Variants in SLC26A8 observed in about 807,000 individuals in gnomAD.
SLC26A8 encodes testis anion transporter 1.
SLC26A8 carries 70 observed loss-of-function variants against 105.0 expected under a neutral mutation model. The ratio of observed to expected loss-of-function variants is 0.67; its 90% CI spans 0.55 to 0.81. SLC26A8 has a LOEUF of 0.81. Among genes scored for constraint, SLC26A8 ranks in the 40% least tolerant of loss-of-function variants. The probability of loss-of-function intolerance (pLI) is 0.00; values close to 1 mark genes in which losing one functional copy is unlikely to be tolerated. For missense variants in SLC26A8, 998 were observed against 1,181.8 expected (o/e 0.84, Z 2.28); for synonymous variants, 415 against 438.3 (o/e 0.95, Z 0.66).
Position 35,978,373 on chromosome 6 carries a change from T to C in SLC26A8, c.1026-1022A>G, listed in dbSNP as rs562546281. On this transcript the variant is annotated intron_variant, in intron 8 of 19. Transcript: ENST00000490799. ...ATTTGGGGAGAGTGGTGTTTTTCTA[T>C]AGATCCATACTGGCATAATTCTTTA... Among the ~76,000 whole-genome samples the C allele has an allele frequency of 4.6e-5, 7 of 152,218 alleles. No homozygotes were observed. In the South Asian group the frequency reaches 1.5e-3, roughly 32 times the overall value.
At chr6:36,010,202 G>A (rs1173674327) in intron 3 of SLC26A8, among the ~76,000 whole-genome samples, 1 of 152,194 alleles carries the variant, frequency 6.6e-6, no homozygotes, top group Non-Finnish European at 1.5e-5. Context: ...CTATCAACAA[G>A]TGAATGGATA....
intron 12 of SLC26A8, among the ~76,000 whole-genome samples, chr6:35,961,610 C>T (rs1266787781): frequency 6.6e-6 from 1 of 152,180 alleles, no homozygotes; most frequent in Admixed American, 6.5e-5. Context: ...CTCAATGTTT[C>T]CTCATTCTCT....
At chr6:36,009,196 CAA>C (rs1442226822) in intron 3 of SLC26A8, among the ~76,000 whole-genome samples, 3 of 152,078 alleles carry the variant, frequency 2.0e-5, no homozygotes, top group African/African-American at 7.2e-5. Context: ...TACTAAAAGA[CAA>C]AAGTTAGCTG....
At chr6:35,968,631 A>G (rs1346611673) in intron 11 of SLC26A8, among the ~76,000 whole-genome samples, 7,309 of 105,652 alleles carry the variant, frequency 0.069, 815 homozygotes, top group African/African-American at 0.26. Flanking sequence ...ATATATATAT[A>G]TATATATATA....
intron 10 of SLC26A8, among the ~76,000 whole-genome samples, chr6:35,975,125 A>T (rs1192314242): frequency 6.6e-6 from 1 of 152,062 alleles, no homozygotes; most frequent in Non-Finnish European, 1.5e-5. Flanking sequence ...GGGCTAATAT[A>T]CGGAAACCTC....
chr6:36,002,347 A>G (rs1411160569), intron 3 of SLC26A8, among the ~76,000 whole-genome samples: 1 of 152,110 alleles, frequency 6.6e-6, no homozygotes, highest in African/African-American at 2.4e-5. Context: ...ATTCTTGTAC[A>G]TGTCTCCTGG....
intron 5 of SLC26A8, among the ~76,000 whole-genome samples, chr6:35,994,184 G>C (rs537709965): frequency 7.2e-6 from 1 of 138,186 alleles, no homozygotes; most frequent in Non-Finnish European, 1.5e-5. Flanking sequence ...GCGTGATCTC[G>C]ACTCACTGCA....
chr6:35,958,031 AT>A (rs1772154054), intron 16 of SLC26A8, among the ~76,000 whole-genome samples: 1 of 152,048 alleles, frequency 6.6e-6, no homozygotes, highest in Non-Finnish European at 1.5e-5. Context: ...CCCCACGTTT[AT>A]TTCTACCTTG....
chr6:35,966,673 G>C (rs892500933), intron 11 of SLC26A8, among the ~76,000 whole-genome samples: 4 of 151,988 alleles, frequency 2.6e-5, no homozygotes, highest in Non-Finnish European at 5.9e-5. Context: ...CTCTAACAAG[G>C]GTTTTGCAAC....
chr6:36,011,773 A>C (rs1562071605), intron 3 of SLC26A8, among the ~76,000 whole-genome samples: 1 of 151,948 alleles, frequency 6.6e-6, no homozygotes, highest in Non-Finnish European at 1.5e-5. Context: ...AGGCCCCGCT[A>C]ATTTTTGTAT....
At chr6:36,001,318 T>C (rs182670805) in intron 3 of SLC26A8, among the ~76,000 whole-genome samples, 78 of 152,174 alleles carry the variant, frequency 5.1e-4, no homozygotes, top group East Asian at 1.4e-3. Flanking sequence ...TTAGTAGAGA[T>C]GGGGTTTCAC....
chr6:35,985,796 G>A (rs1254305681), intron 7 of SLC26A8, among the ~76,000 whole-genome samples: 1 of 151,338 alleles, frequency 6.6e-6, no homozygotes, highest in Non-Finnish European at 1.5e-5. Context: ...GCCAGAGATG[G>A]GCTGGGAAAG....
chr6:35,967,380 T>A lies in SLC26A8; in HGVS notation c.1365+1497A>T, dbSNP rs191089018. ...CCTTCTCTCACCTCCCTAAGTACGA[T>A]ATAAAAATGGCTAACAGGAACATGA... On this transcript the variant is annotated intron_variant, in intron 11 of 19. Coordinates refer to ENST00000490799, the MANE Select transcript of SLC26A8 (RefSeq NM_052961.4). Among the ~76,000 whole-genome samples the A allele has an allele frequency of 2.0e-5, 3 of 152,222 alleles. No homozygotes were observed. The East Asian group carries it at 5.8e-4, about 29-fold the overall frequency.
At chr6:35,974,751 G>C (rs1159097818) in intron 10 of SLC26A8, among the ~76,000 whole-genome samples, 1 of 151,988 alleles carries the variant, frequency 6.6e-6, no homozygotes, top group Non-Finnish European at 1.5e-5. Context: ...TTGTTTGTTT[G>C]TTTGAGACGG....
chr6:35,952,549 G>A (rs758893050), intron 17 of SLC26A8, among the ~76,000 whole-genome samples: 3 of 152,090 alleles, frequency 2.0e-5, no homozygotes, highest in Non-Finnish European at 4.4e-5. Flanking sequence ...CAAAAGAAAC[G>A]AACTCTGCTT....
intron 11 of SLC26A8, among the ~76,000 whole-genome samples, chr6:35,962,943 A>G (rs913023790): frequency 6.6e-6 from 1 of 152,144 alleles, no homozygotes; most frequent in African/African-American, 2.4e-5. Context: ...AGCTGGGACT[A>G]CGTGCCATCA....
chr6:35,989,076 G>C (rs1184304887), intron 7 of SLC26A8, among the ~76,000 whole-genome samples: 1 of 151,912 alleles, frequency 6.6e-6, no homozygotes, highest in Non-Finnish European at 1.5e-5. Flanking sequence ...TCCTAACCTC[G>C]TGATCCACCC....
Position 35,985,267 on chromosome 6 carries a change from T to A in SLC26A8, c.943-3064A>T, listed in dbSNP as rs537234767. On this transcript the variant is annotated intron_variant, in intron 7 of 19. Coordinates refer to ENST00000490799, the MANE Select transcript of SLC26A8 (RefSeq NM_052961.4). ...CCTGAACATGTTGGTAGGACCTCCC[T>A]CCAGAGGCTATGTCATGGGGGCTTC... 2.0e-5 allele frequency among the ~76,000 whole-genome samples: 3 copies of A among 152,202 alleles called. No individual in the cohort carries two copies. In the East Asian group the frequency reaches 5.8e-4, roughly 29 times the overall value.
At chr6:35,966,540 A>T (rs1438987165) in intron 11 of SLC26A8, among the ~76,000 whole-genome samples, 1 of 152,186 alleles carries the variant, frequency 6.6e-6, no homozygotes, top group African/African-American at 2.4e-5. Flanking sequence ...GGTATGTTCT[A>T]CATTTTTCTT....
Sources: allele counts gnomAD v4.1 joint callset (sites outside exome capture counted in the v4.1 genomes callset), GRCh38; gene constraint gnomAD v4.1.1; transcripts MANE v1.5; gene names NCBI Gene and HGNC (gene_info 2026-07-23, HGNC 2026-07-21).